Variants in FRMD3 observed in about 807,000 individuals in gnomAD.
FRMD3 encodes the protein FERM domain-containing protein 3.
In FRMD3, 33 loss-of-function variants were observed where a neutral mutation model predicts 70.2. The ratio of observed to expected loss-of-function variants is 0.47; its 90% CI spans 0.36 to 0.63. The LOEUF is 0.63. Ranked by LOEUF, FRMD3 falls within the 20% of genes least tolerant of loss-of-function variation. FRMD3 has a pLI of 0.00. For synonymous variants in FRMD3, 279 were observed against 255.9 expected, an observed-to-expected ratio of 1.09 and a Z score of -0.86; for missense variants, 632 against 711.4, an observed-to-expected ratio of 0.89 and a Z score of 1.27.
intron 1 of FRMD3, among the ~76,000 whole-genome samples, chr9:83,458,544 C>A (rs1827884701): frequency 6.6e-6 from 1 of 152,182 alleles, no homozygotes. Flanking sequence ...TCTAATTACA[C>A]CTACCATAAA....
intron 1 of FRMD3, among the ~76,000 whole-genome samples, chr9:83,477,765 A>C (rs891570470): frequency 2.0e-5 from 3 of 151,996 alleles, no homozygotes; most frequent in African/African-American, 7.2e-5. Context: ...AATTGACTGA[A>C]TCTCCAGTCT....
chr9:83,431,926 G>A (rs540303373), intron 1 of FRMD3, among the ~76,000 whole-genome samples: 3 of 152,338 alleles, frequency 2.0e-5, no homozygotes, highest in East Asian at 1.9e-4. Context: ...TCTGCAGAGA[G>A]AGGACACTTA....
intron 13 of FRMD3, among the ~76,000 whole-genome samples, chr9:83,266,309 C>T (rs957171522): frequency 9.2e-5 from 14 of 152,134 alleles, no homozygotes; most frequent in African/African-American, 3.4e-4. Flanking sequence ...ACTTAGAAGT[C>T]AGTTTCACAC....
chr9:83,380,831 T>C (rs1479542692), intron 2 of FRMD3, among the ~76,000 whole-genome samples: 2 of 152,248 alleles, frequency 1.3e-5, no homozygotes, highest in Non-Finnish European at 2.9e-5. Flanking sequence ...AGAAATATGT[T>C]AAATAACCCA....
chr9:83,551,910 C>CAAA, the FRMD3 span, among the ~76,000 whole-genome samples: 1 of 143,622 alleles, frequency 7.0e-6, no homozygotes, highest in Non-Finnish European at 1.5e-5. Context: ...TGATTTTTTT[C>CAAA]AAAAAAAAAA....
chr9:83,357,233 T>TACATA (rs1824388147), intron 3 of FRMD3, among the ~76,000 whole-genome samples: 2 of 14,992 alleles, frequency 1.3e-4, no homozygotes, highest in Non-Finnish European at 2.1e-4. Flanking sequence ...ATTTTATATA[T>TACATA]ATATAATACA....
chr9:83,395,441 C>T (rs928711977), intron 1 of FRMD3, among the ~76,000 whole-genome samples: 4 of 151,938 alleles, frequency 2.6e-5, no homozygotes, highest in Admixed American at 2.6e-4. Context: ...GGTATTAAGC[C>T]TAGTACCCAT....
At chr9:83,557,545 T>C in the FRMD3 span, among the ~76,000 whole-genome samples, 1 of 152,200 alleles carries the variant, frequency 6.6e-6, no homozygotes, top group Admixed American at 6.5e-5. Flanking sequence ...GACACATGGA[T>C]GACATTTCGT....
intron 1 of FRMD3, among the ~76,000 whole-genome samples, chr9:83,507,825 T>C (rs1384824250): frequency 1.4e-5 from 2 of 145,134 alleles, no homozygotes; most frequent in Non-Finnish European, 3.0e-5. Context: ...CACTCCAAAA[T>C]AACAAGAAAA....
intron 10 of FRMD3, among the ~76,000 whole-genome samples, chr9:83,307,157 A>T (rs967614679): frequency 5.9e-5 from 9 of 152,234 alleles, no homozygotes; most frequent in African/African-American, 2.2e-4. Context: ...ATTCACTGAA[A>T]ATAACTAACT....
At chr9:83,563,471 G>T in the FRMD3 span, among the ~76,000 whole-genome samples, 54 of 152,168 alleles carry the variant, frequency 3.5e-4, no homozygotes, top group Admixed American at 3.5e-3. Context: ...ATGCTCTCTG[G>T]AGTGTGTGGA....
chr9:83,285,761 T>G (rs1274408937), intron 13 of FRMD3, among the ~76,000 whole-genome samples: 1 of 152,242 alleles, frequency 6.6e-6, no homozygotes, highest in Non-Finnish European at 1.5e-5. Flanking sequence ...CTTGTGAATT[T>G]ATTCAGATTA....
At chr9:83,349,644 G>T (rs373032772) in intron 4 of FRMD3, 35 bp downstream of exon 4, 2 of 1,463,696 alleles carry the variant, frequency 1.4e-6, no homozygotes, top group Non-Finnish European at 1.9e-6. Flanking sequence ...GCTGGTTAAA[G>T]GTGCACGTTA....
chr9:83,446,641 G>A (rs1463225754), intron 1 of FRMD3, among the ~76,000 whole-genome samples: 1 of 120,964 alleles, frequency 8.3e-6, no homozygotes, highest in Non-Finnish European at 1.7e-5. Context: ...AGCAAGACTC[G>A]GTCTCAAAAA....
Position 83,532,596 on chromosome 9 carries a change from C to T in FRMD3, c.147+5489G>A, listed in dbSNP as rs550846676. On this transcript the variant is annotated intron_variant, in intron 1 of 13. Transcript: ENST00000304195. ...TGAAAGACGCTCCTGCATGATTAGC[C>T]GACAGCTGTTCCTCCCCACCACACA... Among the ~76,000 whole-genome samples, 10 of 152,220 alleles carry T rather than the reference C, an allele frequency of 6.6e-5. No homozygotes were observed. The East Asian group carries it at 9.6e-4, about 15-fold the overall frequency.
At chr9:83,389,136 T>C (rs1470051744) in intron 2 of FRMD3, among the ~76,000 whole-genome samples, 1 of 151,796 alleles carries the variant, frequency 6.6e-6, no homozygotes, top group Non-Finnish European at 1.5e-5. Context: ...TTTGTAGAGG[T>C]GGAGTTTTGC....
the FRMD3 span, among the ~76,000 whole-genome samples, chr9:83,581,856 T>C: frequency 6.6e-6 from 1 of 152,182 alleles, no homozygotes; most frequent in East Asian, 1.9e-4. Flanking sequence ...ATGAATTCTT[T>C]TATGTGAAAT....
chr9:83,321,511 C>T (rs1835800423), intron 6 of FRMD3, among the ~76,000 whole-genome samples: 1 of 152,148 alleles, frequency 6.6e-6, no homozygotes, highest in South Asian at 2.1e-4. Context: ...GCAGTGATTT[C>T]TAGCTTTATT....
intron 13 of FRMD3, among the ~76,000 whole-genome samples, chr9:83,274,471 T>C (rs564816142): frequency 8.5e-5 from 13 of 152,156 alleles, no homozygotes; most frequent in Non-Finnish European, 1.2e-4. Context: ...AAATATGTCA[T>C]AGAGGAGGAG....
Sources: gnomAD v4.1 joint callset for allele counts (sites outside exome capture counted in the v4.1 genomes callset) on GRCh38, gnomAD v4.1.1 for gene constraint, MANE v1.5 for transcripts, NCBI Gene and HGNC (gene_info 2026-07-23, HGNC 2026-07-21) for gene names.